The following MTIF3 variants were observed in gnomAD, a reference collection of about 807,000 sequenced individuals.
The protein encoded by MTIF3 is mitochondrial translational initiation factor 3, also known as translation initiation factor IF-3, mitochondrial.
In MTIF3, 13 loss-of-function variants were observed where a neutral mutation model predicts 20.7. The ratio of observed to expected loss-of-function variants is 0.63; its 90% confidence interval spans 0.41 to 1.00. The LOEUF is 1.00. Among genes scored for constraint, MTIF3 ranks in the 50% least tolerant of loss-of-function variants. The pLI is 0.00. For missense variants in MTIF3, 295 were observed against 324.5 expected (o/e 0.91, Z 0.70); for synonymous variants, 114 against 112.5 (o/e 1.01, Z -0.08).
At chr13:27,448,066 CG>C (rs1181546361) in intron 1 of MTIF3, among the ~76,000 whole-genome samples, 2 of 130,938 alleles carry the variant, frequency 1.5e-5, no homozygotes, top group African/African-American at 5.8e-5. Flanking sequence ...TGCATTCTAC[CG>C]GAAGTACTGA....
chr13:27,446,842 G>A (rs116800305), intron 1 of MTIF3, among the ~76,000 whole-genome samples: 112 of 152,080 alleles, frequency 7.4e-4, no homozygotes, highest in African/African-American at 2.3e-3. Context: ...TGATGGGGGC[G>A]GATGGGAAGG....
intron 2 of MTIF3, among the ~76,000 whole-genome samples, chr13:27,442,552 A>G (rs944493190): frequency 6.6e-6 from 1 of 152,114 alleles, no homozygotes; most frequent in African/African-American, 2.4e-5. Context: ...TAAGCTCTCT[A>G]CCATGCCCAC....
intron 1 of MTIF3, 192 bp downstream of exon 1, chr13:27,450,317 G>A (rs1441046311): frequency 2.0e-5 from 3 of 151,066 alleles, no homozygotes; most frequent in East Asian, 1.9e-4. Flanking sequence ...CGGCCTCGCT[G>A]AAAATGGCTT....
chr13:27,440,549 G>T, intron 2 of MTIF3, 100 bp from the exon 3 acceptor site: 1 of 866,442 alleles, frequency 1.2e-6, no homozygotes, highest in Non-Finnish European at 1.8e-6. Flanking sequence ...TGTGGAGGCT[G>T]TAACTGCAAG....
In MTIF3 at chr13:27,440,432, A is replaced by C; in HGVS notation, c.17T>G (p.Leu6Arg). MAALFLKRLTLQTVKS... is the reference protein window; with the variant it reads MAALFRKRLTLQTVKS... ...TACAGTTTGTAGTGTTAACCTCTTT[A>C]GAAAAAGAGCAGCCATCCTAAGAAA... is the stretch of plus-strand genomic sequence containing the variant. Residue 6 changes from leucine to arginine, a missense_variant, in exon 3 of 5, where the codon CTA becomes CGA. Transcript: ENST00000381120. 1 of 1,604,298 alleles carries C rather than the reference A, an allele frequency of 6.2e-7. No homozygotes were observed. Among genetic ancestry groups the C allele is most frequent in the Non-Finnish European group, 8.5e-7 (1 of 1,175,232 alleles).
At chr13:27,448,498 C>G (rs911448934) in intron 1 of MTIF3, among the ~76,000 whole-genome samples, 2 of 152,190 alleles carry the variant, frequency 1.3e-5, no homozygotes, top group Non-Finnish European at 2.9e-5. Context: ...CCTGCGCTAC[C>G]GTTACTGGGC....
At position 27,440,326 on chromosome 13, in the gene MTIF3, A is replaced by C; in HGVS notation, c.123T>G (p.Ala41=). 1 of 1,614,232 alleles carries C rather than the reference A, an allele frequency of 6.2e-7. No homozygotes were observed. The highest frequency in any genetic ancestry group is 8.5e-7 in the Non-Finnish European group (1 of 1,180,038). Residue 41 remains alanine (A), a synonymous_variant, in exon 3 of 5, where the codon GCT becomes GCG. Coordinates refer to ENST00000381120, the MANE Select transcript of MTIF3 (RefSeq NM_152912.5). The stretch of plus-strand genomic sequence containing the variant: ...TTAGGAAGGAGAGTCTTGGGGCAGA[A>C]GCAATAGGGGACAACTGTGCTGGTG... The part of the protein sequence containing the change: ...KTAPAQLSPI[A]SAPRLSFLIH...
In MTIF3 at chr13:27,440,186, T is replaced by C. The variant is rs770729341; in HGVS notation, c.263A>G (p.His88Arg). ...VGRKISQRVIHLFDEKGNDLG... is the reference protein window; with the variant it reads ...VGRKISQRVIRLFDEKGNDLG... Reference sequence around the variant, plus strand: ...ATCATTGCCCTTCTCATCAAATAAGTGAATAACTCGCTGACTAATTTTTCT... The same window carrying C: ...ATCATTGCCCTTCTCATCAAATAAGCGAATAACTCGCTGACTAATTTTTCT... The change falls in exon 3 of 5, where the codon CAC (histidine) becomes CGC (arginine). Residue 88 changes from histidine to arginine, a missense_variant. Coordinates refer to ENST00000381120, the MANE Select transcript of MTIF3 (RefSeq NM_152912.5). The C allele has an allele frequency of 7.4e-6, 12 of 1,614,238 alleles. No individual in the cohort carries two copies. The highest frequency in any genetic ancestry group is 1.7e-5 in the Admixed American group (1 of 60,024).
chr13:27,440,253 T>C lies in MTIF3; in HGVS notation c.196A>G (p.Lys66Glu). 1 of 1,614,236 alleles carries C rather than the reference T, an allele frequency of 6.2e-7. No homozygotes were observed. The highest frequency in any genetic ancestry group is 8.5e-7 in the Non-Finnish European group (1 of 1,180,034). Residue 66 changes from lysine (K) to glutamate (E), a missense_variant, in exon 3 of 5, where the codon AAA becomes GAA. Physicochemically the swap from Lys to Glu is moderately conservative, Grantham distance 56. Transcript: ENST00000381120. ...STAEDTQNEGKKTKKNKTAFS... is the reference protein window; with the variant it reads ...STAEDTQNEGEKTKKNKTAFS... ...GCTGTTTTATTCTTTTTTGTCTTTTTTCCTTCATTCTGGGTGTCTTCAGCG... is the reference window on the plus strand; with the variant it reads ...GCTGTTTTATTCTTTTTTGTCTTTTCTCCTTCATTCTGGGTGTCTTCAGCG...
chr13:27,436,375 A>G (rs75439483), intron 4 of MTIF3, among the ~76,000 whole-genome samples: 20,161 of 152,004 alleles, frequency 0.13, 1,758 homozygotes, highest in Non-Finnish European at 0.19. Context: ...ATTACTAAGG[A>G]TACCCTTAGT....
intron 2 of MTIF3, among the ~76,000 whole-genome samples, chr13:27,442,823 C>G (rs1954050429): frequency 6.6e-6 from 1 of 152,228 alleles, no homozygotes; most frequent in South Asian, 2.1e-4. Flanking sequence ...CTTTTAAAAA[C>G]TTTACTGCAT....
At chr13:27,444,280 G>C (rs1954101413) in intron 2 of MTIF3, among the ~76,000 whole-genome samples, 1 of 151,862 alleles carries the variant, frequency 6.6e-6, no homozygotes, top group Non-Finnish European at 1.5e-5. Flanking sequence ...ACTCCAGCCT[G>C]GGCGACAGAG....
intron 1 of MTIF3, among the ~76,000 whole-genome samples, chr13:27,445,860 C>T (rs968182497): frequency 3.9e-4 from 60 of 151,922 alleles, no homozygotes; most frequent in Non-Finnish European, 8.5e-4. Flanking sequence ...TCTGACAAAT[C>T]CAGATGGAAC....
chr13:27,448,660 C>T (rs1278633847), intron 1 of MTIF3, among the ~76,000 whole-genome samples: 2 of 152,200 alleles, frequency 1.3e-5, no homozygotes, highest in Non-Finnish European at 2.9e-5. Flanking sequence ...ACTATTTAAC[C>T]TTATTTCTTT....
At chr13:27,435,920 A>T (rs1300071496) in intron 4 of MTIF3, 27 bp from the exon 5 acceptor site, 7 of 1,571,460 alleles carry the variant, frequency 4.5e-6, no homozygotes, top group Non-Finnish European at 6.1e-6. Flanking sequence ...GCCAAAGATT[A>T]ATTTAAAATC....
In MTIF3 at chr13:27,437,198, A is replaced by G; in HGVS notation, c.536T>C (p.Ile179Thr). ...GTGTTTTTTCTTAATCCACTGCTGA[A>G]TCTGTTTAGTCTTTGTGTCCAAATC... ...QHDLDTKTKQ[I>T]QQWIKKKHLV... The change falls in exon 4 of 5, where the codon ATT (isoleucine) becomes ACT (threonine). Residue 179 changes from isoleucine to threonine, a missense_variant. Physicochemically the swap from Ile to Thr is moderately conservative, Grantham distance 89 (BLOSUM62 -1). Transcript: ENST00000381120. 6.2e-7 allele frequency: 1 copy of G among 1,614,066 alleles called. No individual in the cohort carries two copies. The highest frequency in any genetic ancestry group is 8.5e-7 in the Non-Finnish European group (1 of 1,179,954).
intron 2 of MTIF3, chr13:27,440,927 T>C (rs986789913): frequency 5.9e-6 from 1 of 169,404 alleles, no homozygotes; most frequent in African/African-American, 2.4e-5. Context: ...TTGTATGCCA[T>C]ATGTATTATA....
intron 4 of MTIF3, among the ~76,000 whole-genome samples, chr13:27,436,262 C>T (rs924570432): frequency 6.6e-6 from 1 of 152,150 alleles, no homozygotes; most frequent in South Asian, 2.1e-4. Flanking sequence ...TTGCCCCTAA[C>T]AGAGTCTCTC....
chr13:27,440,276 G>T lies in MTIF3; in HGVS notation c.173C>A (p.Ala58Asp), dbSNP rs960936616. 3 of 1,614,082 alleles carry T rather than the reference G, an allele frequency of 1.9e-6. No homozygotes were observed. The highest frequency in any genetic ancestry group is 2.5e-6 in the Non-Finnish European group (3 of 1,180,030). The stretch of plus-strand genomic sequence containing the variant: ...TTTTCCTTCATTCTGGGTGTCTTCA[G>T]CGGTACTAAAGGCTTTTGCATGAAT... ...FLIHAKAFSTAEDTQNEGKKT... is the reference protein window; with the variant it reads ...FLIHAKAFSTDEDTQNEGKKT... Residue 58 changes from alanine (A) to aspartate (D), a missense_variant, in exon 3 of 5, where the codon GCT becomes GAT. By Grantham distance (126) the Ala-to-Asp change is moderately radical (BLOSUM62 -2). Coordinates refer to ENST00000381120, the MANE Select transcript of MTIF3 (RefSeq NM_152912.5).
Sources: allele counts gnomAD v4.1 joint callset (sites outside exome capture counted in the v4.1 genomes callset), GRCh38; gene constraint gnomAD v4.1.1; transcripts MANE v1.5; gene names NCBI Gene and HGNC (gene_info 2026-07-23, HGNC 2026-07-21).